Variants in ADAMTS17 observed in about 807,000 individuals in gnomAD.
The protein encoded by ADAMTS17 is A disintegrin and metalloproteinase with thrombospondin motifs 17.
ADAMTS17 carries 113 observed loss-of-function variants against 141.5 expected under a neutral mutation model. The observed-to-expected ratio is 0.80, with a 90% CI of 0.69 to 0.93. ADAMTS17 has a LOEUF of 0.93. Among genes scored for constraint, ADAMTS17 ranks in the 40% least tolerant of loss-of-function variants. The probability of loss-of-function intolerance (pLI) is 0.00; values close to 1 mark genes in which losing one functional copy is unlikely to be tolerated. For synonymous variants in ADAMTS17, 768 were observed against 630.6 expected (o/e 1.22, Z -3.27); for missense variants, 1,659 against 1,517.9 (o/e 1.09, Z -1.54).
At position 100,116,904 on chromosome 15, in the gene ADAMTS17, C is replaced by T; in HGVS notation, c.1831G>A (p.Ala611Thr). Residue 611 changes from alanine to threonine, a missense_variant, in exon 13 of 22, where the codon GCA becomes ACA. By Grantham distance (58) the Ala-to-Thr change is moderately conservative. Coordinates refer to ENST00000268070, the MANE Select transcript of ADAMTS17 (RefSeq NM_139057.4). ...LPSFRDQQCQ[A>T]HDRLSPKKKG... ...TTCTTGGGGCTCAGCCGGTCGTGTG[C>T]CTGGCACTGCTGGTCCCGGAAGCTG... is the stretch of plus-strand genomic sequence containing the variant. 1.2e-6 allele frequency: 2 copies of T among 1,614,170 alleles called. No homozygotes were observed. Among genetic ancestry groups the T allele is most frequent in the South Asian group, 1.1e-5 (1 of 91,080 alleles).
chr15:100,257,058 T>C (rs946418028), intron 6 of ADAMTS17: 1 of 152,290 alleles, frequency 6.6e-6, no homozygotes, highest in African/African-American at 2.4e-5. Flanking sequence ...GAATACACTG[T>C]CCGGCTTGAC....
intron 2 of ADAMTS17, among the ~76,000 whole-genome samples, chr15:100,331,723 AG>A (rs1384501819): frequency 2.0e-5 from 3 of 152,244 alleles, no homozygotes; most frequent in East Asian, 1.9e-4. Flanking sequence ...GATGAGTCTC[AG>A]GGGGCCATGG....
Position 100,152,627 on chromosome 15 carries a change from G to T in ADAMTS17, c.1458C>A (p.Phe486Leu). ...GGCTGCTTACCTCCATGTTTCTGCA[G>T]AAGGTGGCATTCATGCCAAACAGGA... is the stretch of plus-strand genomic sequence containing the variant. The part of the protein sequence containing the change: ...CQILFGMNAT[F>L]CRNMEHLMCA... Residue 486 changes from phenylalanine (F) to leucine (L), a missense_variant, in exon 10 of 22, where the codon TTC becomes TTA. Coordinates refer to ENST00000268070, the MANE Select transcript of ADAMTS17 (RefSeq NM_139057.4). The T allele has an allele frequency of 6.2e-7, 1 of 1,613,988 alleles. No homozygotes were observed. The highest frequency in any genetic ancestry group is 8.5e-7 in the Non-Finnish European group (1 of 1,180,026).
At chr15:100,152,804 C>T (rs372417798) in intron 9 of ADAMTS17, 42 bp from the exon 10 acceptor site, 5 of 1,607,638 alleles carry the variant, frequency 3.1e-6, no homozygotes, top group Non-Finnish European at 4.2e-6. Flanking sequence ...AATGTACTGC[C>T]TAGGTTTTTT....
chr15:100,231,779 G>C (rs192118512), intron 7 of ADAMTS17, among the ~76,000 whole-genome samples: 1 of 152,254 alleles, frequency 6.6e-6, no homozygotes. Context: ...GCCTCCTTCT[G>C]AGCTTTGGGT....
intron 15 of ADAMTS17, among the ~76,000 whole-genome samples, chr15:100,096,145 C>A (rs1180880089): frequency 2.6e-5 from 4 of 152,218 alleles, no homozygotes; most frequent in African/African-American, 9.6e-5. Context: ...TGTTTCCGTT[C>A]ATGGCAAACT....
intron 3 of ADAMTS17, among the ~76,000 whole-genome samples, chr15:100,292,068 C>T (rs140207967): frequency 0.015 from 2,040 of 132,664 alleles, 73 homozygotes; most frequent in African/African-American, 0.058. Context: ...TCACGAGAGA[C>T]GCTCAGCCCG....
chr15:100,002,763 C>G (rs1278715909), intron 18 of ADAMTS17, among the ~76,000 whole-genome samples: 1 of 152,056 alleles, frequency 6.6e-6, no homozygotes, highest in Non-Finnish European at 1.5e-5. Context: ...CAGTGAGGGG[C>G]GGCTGGCTGT....
At chr15:100,172,762 C>T (rs1444675072) in intron 8 of ADAMTS17, among the ~76,000 whole-genome samples, 2 of 152,240 alleles carry the variant, frequency 1.3e-5, no homozygotes, top group Non-Finnish European at 2.9e-5. Flanking sequence ...TAAGATCCCG[C>T]ACCCCTCCCT....
chr15:100,318,277 C>A (rs1382930839), intron 3 of ADAMTS17, among the ~76,000 whole-genome samples: 1 of 151,968 alleles, frequency 6.6e-6, no homozygotes, highest in Non-Finnish European at 1.5e-5. Flanking sequence ...AACACCCGCC[C>A]CCCCTTATAG....
chr15:99,974,468 C>T lies in ADAMTS17; in HGVS notation c.3222G>A (p.Gln1074=), dbSNP rs2060277806. The T allele has an allele frequency of 1.2e-6, 2 of 1,614,134 alleles. No homozygotes were observed. Among genetic ancestry groups the T allele is most frequent in the Non-Finnish European group, 1.7e-6 (2 of 1,180,062 alleles). ...KNLCQDMRWY[Q]RCCQTCRDFY... ...AGTCCCTGCAGGTCTGGCAGCAGCG[C>T]TGGTACCACCGCATGTCCTGGCAGA... The change falls in exon 22 of 22, where the codon CAG becomes CAA. Residue 1074 remains glutamine, a synonymous_variant. Coordinates refer to ENST00000268070, the MANE Select transcript of ADAMTS17 (RefSeq NM_139057.4).
chr15:100,162,483 A>G lies in ADAMTS17; in HGVS notation c.1182-7163T>C, dbSNP rs1279190949. ...GCACATATACACATTATATGTGTATATATATGCACATATACACATTATATG... is the reference window on the plus strand; with the variant it reads ...GCACATATACACATTATATGTGTATGTATATGCACATATACACATTATATG... On this transcript the variant is annotated intron_variant, in intron 8 of 21. Coordinates refer to ENST00000268070, the MANE Select transcript of ADAMTS17 (RefSeq NM_139057.4). Among the ~76,000 whole-genome samples the G allele has an allele frequency of 1.5e-5, 2 of 133,534 alleles. 1 individual carries two copies. Among genetic ancestry groups the G allele is most frequent in the Non-Finnish European group, 3.2e-5 (2 of 63,378 alleles). The allele number at this position is 133,534 out of a possible 152,430, so 87.6% of individuals were successfully genotyped here. A position where few individuals can be genotyped will look rare whatever the true frequency, so the allele number is the denominator to read the frequency against.
intron 7 of ADAMTS17, among the ~76,000 whole-genome samples, chr15:100,205,622 C>T (rs928632650): frequency 6.6e-6 from 1 of 152,148 alleles, no homozygotes; most frequent in African/African-American, 2.4e-5. Context: ...TGATGCCCAC[C>T]AGAAATGGTC....
chr15:100,064,850 G>A (rs535396691), intron 15 of ADAMTS17, among the ~76,000 whole-genome samples: 1 of 152,228 alleles, frequency 6.6e-6, no homozygotes, highest in Non-Finnish European at 1.5e-5. Flanking sequence ...TAATAATTTT[G>A]GTTTGATTTT....
chr15:100,206,196 C>T (rs187720994), intron 7 of ADAMTS17, among the ~76,000 whole-genome samples: 3 of 152,328 alleles, frequency 2.0e-5, no homozygotes, highest in Admixed American at 2.0e-4. Context: ...CATGTACTCC[C>T]TGGCTACCAG....
chr15:100,191,514 C>T (rs2040915693), intron 8 of ADAMTS17, among the ~76,000 whole-genome samples: 1 of 152,222 alleles, frequency 6.6e-6, no homozygotes, highest in African/African-American at 2.4e-5. Flanking sequence ...GGAACAGAGG[C>T]TCTGGGTTTT....
intron 10 of ADAMTS17, among the ~76,000 whole-genome samples, chr15:100,138,004 A>C (rs1237155036): frequency 6.6e-6 from 1 of 152,040 alleles, no homozygotes; most frequent in Non-Finnish European, 1.5e-5. Flanking sequence ...TGTGGTTAAC[A>C]TTTTACCTTT....
At chr15:100,123,379 G>C (rs1300224693) in intron 12 of ADAMTS17, among the ~76,000 whole-genome samples, 1 of 152,210 alleles carries the variant, frequency 6.6e-6, no homozygotes, top group Non-Finnish European at 1.5e-5. Flanking sequence ...ATTCGTGATA[G>C]AGTTATCCCT....
intron 3 of ADAMTS17, among the ~76,000 whole-genome samples, chr15:100,282,218 C>A (rs991527560): frequency 6.6e-6 from 1 of 152,118 alleles, no homozygotes; most frequent in Non-Finnish European, 1.5e-5. Context: ...AACAGGAAGT[C>A]TCTCTCATTT....
Sources: gnomAD v4.1 joint callset for allele counts (sites outside exome capture counted in the v4.1 genomes callset) on GRCh38, gnomAD v4.1.1 for gene constraint, MANE v1.5 for transcripts, NCBI Gene and HGNC (gene_info 2026-07-23, HGNC 2026-07-21) for gene names.